NCKAP5: variants seen among roughly 807,000 people sequenced by gnomAD.
The protein encoded by NCKAP5 is NCK associated protein 5.
A neutral mutation model predicts 167.0 loss-of-function variants in NCKAP5; 92 were observed. That is an observed-to-expected ratio of 0.55 (90% CI 0.47 to 0.66). The LOEUF (loss-of-function observed/expected upper bound fraction) is 0.66. Ranked by LOEUF, NCKAP5 falls within the 30% of genes least tolerant of loss-of-function variation. The probability of loss-of-function intolerance (pLI) is 0.00; values close to 1 mark genes in which losing one functional copy is unlikely to be tolerated. For missense variants in NCKAP5, 2,378 were observed against 2,315.0 expected (o/e 1.03, Z -0.56); for synonymous variants, 891 against 877.4 (o/e 1.02, Z -0.27).
intron 3 of NCKAP5, among the ~76,000 whole-genome samples, chr2:133,434,299 A>T (rs1168832182): frequency 6.6e-6 from 1 of 152,234 alleles, no homozygotes; most frequent in Non-Finnish European, 1.5e-5. Context: ...ATTAGTATAG[A>T]GAGAGCTAAA....
chr2:133,124,091 A>G (rs2082329864), intron 6 of NCKAP5, among the ~76,000 whole-genome samples: 1 of 152,208 alleles, frequency 6.6e-6, no homozygotes, highest in Admixed American at 6.5e-5. Flanking sequence ...ATCAACTGTG[A>G]TAGGAGAATC....
chr2:132,878,875 C>T lies in NCKAP5; in HGVS notation c.621G>A (p.Arg207=). Residue 207 remains arginine, a synonymous_variant, in exon 9 of 20, where the codon AGG becomes AGA. Coordinates refer to ENST00000409261, the MANE Select transcript of NCKAP5 (RefSeq NM_207363.3). ...SALALENENQ[R]EQYERCLDEV... is the part of the protein sequence containing the mutation. ...CATCAAGACATCGCTCATATTGTTCCCTTTGATTTTCATTCTCCAAAGCCA... is the reference window on the plus strand; with the variant it reads ...CATCAAGACATCGCTCATATTGTTCTCTTTGATTTTCATTCTCCAAAGCCA... 6.2e-7 allele frequency: 1 copy of T among 1,613,716 alleles called. No homozygotes were observed. Among genetic ancestry groups the T allele is most frequent in the Admixed American group, 1.7e-5 (1 of 60,018 alleles).
At chr2:133,535,350 C>T (rs1054975811) in intron 2 of NCKAP5, among the ~76,000 whole-genome samples, 9 of 151,788 alleles carry the variant, frequency 5.9e-5, no homozygotes, top group African/African-American at 2.2e-4. Context: ...CCGTGCATAC[C>T]CATTGTTTAA....
chr2:133,092,991 G>C (rs1346875006), intron 6 of NCKAP5, among the ~76,000 whole-genome samples: 10 of 152,190 alleles, frequency 6.6e-5, no homozygotes, highest in Non-Finnish European at 1.5e-4. Context: ...TGCAGTTCCT[G>C]CCTCTTTCTA....
chr2:133,108,559 A>T (rs2081798431), intron 6 of NCKAP5, among the ~76,000 whole-genome samples: 1 of 152,244 alleles, frequency 6.6e-6, no homozygotes, highest in Non-Finnish European at 1.5e-5. Context: ...AATTCATTTA[A>T]CATTCAAGGG....
the NCKAP5 span, among the ~76,000 whole-genome samples, chr2:133,615,637 C>T: frequency 6.6e-6 from 1 of 152,020 alleles, no homozygotes; most frequent in Admixed American, 6.6e-5. Context: ...ACAGGAGCAC[C>T]CAGATTCATA....
chr2:132,987,476 A>T (rs2077321899), intron 7 of NCKAP5, among the ~76,000 whole-genome samples: 1 of 152,232 alleles, frequency 6.6e-6, no homozygotes, highest in African/African-American at 2.4e-5. Context: ...TACATCTAAG[A>T]GTATGTTTAA....
chr2:132,984,621 T>C (rs1050068336), intron 7 of NCKAP5, among the ~76,000 whole-genome samples: 1 of 152,128 alleles, frequency 6.6e-6, no homozygotes. Flanking sequence ...AAGGTTACCA[T>C]ATAGCAGAGA....
chr2:133,436,682 G>T (rs1339996698), intron 3 of NCKAP5, among the ~76,000 whole-genome samples: 1 of 152,168 alleles, frequency 6.6e-6, no homozygotes, highest in Non-Finnish European at 1.5e-5. Flanking sequence ...CATCCTGAGA[G>T]ACTCGGCTTC....
intron 2 of NCKAP5, among the ~76,000 whole-genome samples, chr2:133,534,740 A>T (rs1685626477): frequency 6.6e-6 from 1 of 152,186 alleles, no homozygotes; most frequent in African/African-American, 2.4e-5. Context: ...TTATGTATAT[A>T]TTTACCAGTA....
the NCKAP5 span, among the ~76,000 whole-genome samples, chr2:133,648,848 T>C: frequency 7.3e-6 from 1 of 137,690 alleles, no homozygotes; most frequent in Admixed American, 7.1e-5. Context: ...CCTAAGGGAA[T>C]TAAAAAAAAA....
intron 3 of NCKAP5, among the ~76,000 whole-genome samples, chr2:133,371,034 G>A (rs1685774593): frequency 6.6e-6 from 1 of 152,072 alleles, no homozygotes; most frequent in South Asian, 2.1e-4. Flanking sequence ...TCACCTGCCT[G>A]GTAAAACATA....
chr2:133,436,828 G>A (rs765762857), intron 3 of NCKAP5, among the ~76,000 whole-genome samples: 12 of 152,070 alleles, frequency 7.9e-5, no homozygotes, highest in Non-Finnish European at 7.4e-5. Context: ...TGGATGCCCC[G>A]TTGCCTATGA....
chr2:133,258,060 T>C (rs2088711720), intron 4 of NCKAP5, among the ~76,000 whole-genome samples: 1 of 152,230 alleles, frequency 6.6e-6, no homozygotes, highest in South Asian at 2.1e-4. Flanking sequence ...ACTTGACTTT[T>C]GGCTTGAATT....
chr2:132,958,888 C>T (rs2076419039), intron 8 of NCKAP5, among the ~76,000 whole-genome samples: 1 of 151,958 alleles, frequency 6.6e-6, no homozygotes, highest in South Asian at 2.1e-4. Context: ...TATTTACAGG[C>T]ATATAGTTGC....
At chr2:133,395,113 A>G (rs1687654776) in intron 3 of NCKAP5, among the ~76,000 whole-genome samples, 1 of 152,210 alleles carries the variant, frequency 6.6e-6, no homozygotes, top group African/African-American at 2.4e-5. Flanking sequence ...TTTCTTATTT[A>G]AGAAACAAAC....
intron 2 of NCKAP5, among the ~76,000 whole-genome samples, chr2:133,538,931 GTTTTTTTTT>G (rs71412735): frequency 1.8e-5 from 2 of 108,586 alleles, no homozygotes; most frequent in East Asian, 2.7e-4. Flanking sequence ...GTTTTTTTGG[GTTTTTTTTT>G]TTTTTTTTTT....
At chr2:132,912,762 G>A (rs1257200841) in intron 8 of NCKAP5, among the ~76,000 whole-genome samples, 1 of 152,152 alleles carries the variant, frequency 6.6e-6, no homozygotes, top group African/African-American at 2.4e-5. Context: ...CTTTCAGCAG[G>A]AACACGATAG....
intron 3 of NCKAP5, among the ~76,000 whole-genome samples, chr2:133,318,600 G>T (rs1221420960): frequency 6.6e-6 from 1 of 152,162 alleles, no homozygotes; most frequent in Admixed American, 6.5e-5. Context: ...CTCCTGAGGG[G>T]CCAAACCAAA....
Sources: allele counts gnomAD v4.1 joint callset (sites outside exome capture counted in the v4.1 genomes callset), GRCh38; gene constraint gnomAD v4.1.1; transcripts MANE v1.5; gene names NCBI Gene and HGNC (gene_info 2026-07-23, HGNC 2026-07-21).